Variants in FCHO2 observed in about 807,000 individuals in gnomAD.
The protein encoded by FCHO2 is FCH and mu domain containing endocytic adaptor 2, also known as F-BAR domain only protein 2.
A neutral mutation model predicts 114.1 loss-of-function variants in FCHO2; 43 were observed. That is an observed-to-expected ratio of 0.38 (90% confidence interval 0.30 to 0.49). FCHO2 has a LOEUF of 0.49. Among genes scored for constraint, FCHO2 ranks in the 20% least tolerant of loss-of-function variants. The pLI is 0.97. For missense variants in FCHO2, 807 were observed against 950.4 expected (o/e 0.85, Z 1.98); for synonymous variants, 293 against 315.2 (o/e 0.93, Z 0.75).
chr5:73,051,855 C>G (rs1446562252), intron 12 of FCHO2, among the ~76,000 whole-genome samples: 1 of 152,102 alleles, frequency 6.6e-6, no homozygotes, highest in Non-Finnish European at 1.5e-5. Context: ...CAGGTGTGAG[C>G]TAACCCGACT....
intron 12 of FCHO2, among the ~76,000 whole-genome samples, chr5:73,051,842 T>G (rs1183326430): frequency 6.6e-6 from 1 of 152,172 alleles, no homozygotes; most frequent in Middle Eastern, 3.2e-3. Flanking sequence ...AGTGCTGGGA[T>G]TACAGGTGTG....
intron 16 of FCHO2, 103 bp downstream of exon 16, chr5:73,056,210 T>G: frequency 1.2e-6 from 1 of 832,956 alleles, no homozygotes; most frequent in Non-Finnish European, 1.9e-6. Flanking sequence ...TTTCCCTTTA[T>G]GCTCCCTGCC....
Position 72,989,757 on chromosome 5 carries a change from TA to T in FCHO2, c.200+259del. ...AGTCATTCAATAGTGTTTGAGATTA[TA>T]AATGTTATCTTATGCACATGCAATG... On this transcript the variant is annotated intron_variant, in intron 3 of 25. Coordinates refer to ENST00000430046, the MANE Select transcript of FCHO2 (RefSeq NM_138782.3). Among the ~76,000 whole-genome samples the T allele has an allele frequency of 1.3e-5, 2 of 152,200 alleles. 1 individual carries two copies. Among genetic ancestry groups the T allele is most frequent in the African/African-American group, 4.8e-5 (2 of 41,470 alleles).
intron 15 of FCHO2, 101 bp downstream of exon 15, chr5:73,054,650 C>T (rs1757498745): frequency 2.4e-6 from 2 of 836,950 alleles, no homozygotes; most frequent in African/African-American, 1.8e-5. Flanking sequence ...GATCTTTTCT[C>T]ATCATGAGCC....
At chr5:73,048,459 A>T (rs1222932985) in intron 11 of FCHO2, among the ~76,000 whole-genome samples, 1 of 152,158 alleles carries the variant, frequency 6.6e-6, no homozygotes, top group Non-Finnish European at 1.5e-5. Flanking sequence ...AACTAAATAA[A>T]TAAAATAAAA....
At position 72,968,498 on chromosome 5, in the gene FCHO2, G is replaced by T; in HGVS notation, c.34G>T (p.Gly12Trp). The change falls in exon 2 of 26, where the codon GGG (glycine) becomes TGG (tryptophan). Residue 12 changes from glycine to tryptophan, a missense_variant and splice_region_variant. By Grantham distance (184) the Gly-to-Trp change is radical. Coordinates refer to ENST00000430046, the MANE Select transcript of FCHO2 (RefSeq NM_138782.3). ...VMAYFVENFW[G>W]EKNSGFDVLY... ...AACTAAAAATCTTTTTAAATTTTAG[G>T]GGGAAAAAAATAGTGGCTTTGATGT... The T allele has an allele frequency of 1.3e-6, 2 of 1,497,302 alleles. No homozygotes were observed. Among genetic ancestry groups the T allele is most frequent in the Non-Finnish European group, 1.8e-6 (2 of 1,131,034 alleles). 92.8% of individuals were successfully genotyped at this position (1,497,302 alleles called of 1,614,324 possible). A position where few individuals can be genotyped will look rare whatever the true frequency, so the allele number is the denominator to read the frequency against.
In FCHO2 at chr5:73,020,599, A is replaced by T. The variant is rs1755564119; in HGVS notation, c.796+3291A>T. On this transcript the variant is annotated intron_variant, in intron 8 of 25. Transcript: ENST00000430046. ...GCAACAGCAGTAGTACTTTGGGAGA[A>T]GGGGAATGATGGGTTGGAGGTGGGG... is the stretch of plus-strand genomic sequence containing the variant. 3 of 696,500 alleles carry T rather than the reference A, an allele frequency of 4.3e-6. No individual in the cohort carries two copies. In the Admixed American group the frequency reaches 6.3e-5, roughly 15 times the overall value. The allele number at this position is 696,500 out of a possible 1,614,324, so 43.1% of individuals were successfully genotyped here. A position where few individuals can be genotyped will look rare whatever the true frequency, so the allele number is the denominator to read the frequency against.
At chr5:73,012,066 A>G (rs1251129579) in intron 6 of FCHO2, among the ~76,000 whole-genome samples, 1 of 152,214 alleles carries the variant, frequency 6.6e-6, no homozygotes, top group Admixed American at 6.5e-5. Flanking sequence ...TACATTTACC[A>G]GTAACATCAT....
intron 1 of FCHO2, among the ~76,000 whole-genome samples, chr5:72,959,660 A>T (rs78144050): frequency 0.01 from 1,534 of 152,322 alleles, 21 homozygotes; most frequent in African/African-American, 0.035. Flanking sequence ...GCTCTATATG[A>T]TAAATATATA....
At chr5:73,072,766 G>T (rs1400732130) in intron 19 of FCHO2, among the ~76,000 whole-genome samples, 3 of 151,920 alleles carry the variant, frequency 2.0e-5, no homozygotes, top group Non-Finnish European at 4.4e-5. Context: ...TGGGTATAGG[G>T]TTTCCGTTTT....
At chr5:72,997,326 C>G (rs1754173927) in intron 5 of FCHO2, 5 of 1,573,484 alleles carry the variant, frequency 3.2e-6, no homozygotes, top group Non-Finnish European at 4.4e-6. Context: ...ATCTATGGCT[C>G]TGCTGTGGCA....
intron 2 of FCHO2, among the ~76,000 whole-genome samples, chr5:72,986,715 AT>A (rs536563024): frequency 3.3e-5 from 5 of 152,008 alleles, no homozygotes; most frequent in African/African-American, 1.2e-4. Flanking sequence ...TAGAATTAGG[AT>A]TTTTTTCAGA....
chr5:73,087,464 G>C (rs1332721539), intron 24 of FCHO2, 125 bp from the exon 25 acceptor site: 1 of 1,047,810 alleles, frequency 9.5e-7, no homozygotes, highest in East Asian at 2.6e-5. Context: ...ATAATAGTTT[G>C]TTTACTGTGC....
chr5:73,015,835 T>G, intron 7 of FCHO2, 111 bp downstream of exon 7: 2 of 505,796 alleles, frequency 4.0e-6, no homozygotes, highest in African/African-American at 2.0e-5. Context: ...TACCGAATTT[T>G]TCCAAATAAA....
intron 8 of FCHO2, among the ~76,000 whole-genome samples, chr5:73,018,637 A>G (rs1471739905): frequency 1.3e-5 from 2 of 152,088 alleles, no homozygotes; most frequent in Admixed American, 6.5e-5. Context: ...GGGGAAAGCT[A>G]TAACCTTAGG....
intron 11 of FCHO2, among the ~76,000 whole-genome samples, chr5:73,048,261 C>T (rs1017005106): frequency 5.3e-5 from 8 of 151,812 alleles, no homozygotes; most frequent in African/African-American, 1.9e-4. Flanking sequence ...ACCAGCCTGG[C>T]CAATATAGGG....
At chr5:73,011,669 G>C (rs990436576) in intron 6 of FCHO2, among the ~76,000 whole-genome samples, 2 of 152,108 alleles carry the variant, frequency 1.3e-5, no homozygotes, top group Non-Finnish European at 1.5e-5. Flanking sequence ...CCAGCACTTT[G>C]GGAGGGCGAG....
In FCHO2 at chr5:72,990,824, G is replaced by A. The variant is rs899492189; in HGVS notation, c.455G>A (p.Arg152His). Residue 152 changes from arginine to histidine, a missense_variant, in exon 5 of 26, where the codon CGT (arginine) becomes CAT (histidine). Coordinates refer to ENST00000430046, the MANE Select transcript of FCHO2 (RefSeq NM_138782.3). ...AATGCCAAGTGTGTAGAACAGGAGC[G>A]TTTGAAAAAGGAAGGAGCTACACAA... ...NYNAKCVEQERLKKEGATQRE... is the reference protein window; with the variant it reads ...NYNAKCVEQEHLKKEGATQRE... 3.2e-6 allele frequency: 5 copies of A among 1,550,224 alleles called. No individual in the cohort carries two copies. The highest frequency in any genetic ancestry group is 4.4e-6 in the Non-Finnish European group (5 of 1,146,678).
chr5:73,069,483 G>A (rs1447426972), intron 19 of FCHO2, among the ~76,000 whole-genome samples: 1 of 151,940 alleles, frequency 6.6e-6, no homozygotes, highest in Non-Finnish European at 1.5e-5. Context: ...AGATCATCAG[G>A]CATTAGATTC....
Sources: gnomAD v4.1 joint callset for allele counts (sites outside exome capture counted in the v4.1 genomes callset) on GRCh38, gnomAD v4.1.1 for gene constraint, MANE v1.5 for transcripts, NCBI Gene and HGNC (gene_info 2026-07-23, HGNC 2026-07-21) for gene names.